The following CORO7 variants were observed in gnomAD, a reference collection of about 807,000 sequenced individuals.
CORO7 encodes coronin 7.
A neutral mutation model predicts 126.6 loss-of-function variants in CORO7; 107 were observed. That is an observed-to-expected ratio of 0.85 (90% CI 0.72 to 0.99). The LOEUF (loss-of-function observed/expected upper bound fraction) is 0.99. CORO7 is among the 50% of genes least tolerant of loss of function. The probability of loss-of-function intolerance (pLI) is 0.00; values close to 1 mark genes in which losing one functional copy is unlikely to be tolerated. For synonymous variants in CORO7, 603 were observed against 536.8 expected (o/e 1.12, Z -1.70); for missense variants, 1,314 against 1,255.8 (o/e 1.05, Z -0.70).
Position 4,355,250 on chromosome 16 carries a change from G to A in CORO7, c.2772+36C>T, listed in dbSNP as rs538616454. On this transcript the variant is annotated intron_variant, in intron 27 of 27. Coordinates refer to ENST00000251166, the MANE Select transcript of CORO7 (RefSeq NM_024535.5). Reference sequence around the variant, plus strand: ...CACCGTGGCATGTGCGAGGGACCGCGCTGCCTGCCGGGAAGTGAGGCCACT... The same window carrying A: ...CACCGTGGCATGTGCGAGGGACCGCACTGCCTGCCGGGAAGTGAGGCCACT... The A allele has an allele frequency of 5.2e-5, 84 of 1,611,026 alleles. 1 individual carries two copies. The South Asian group carries it at 8.5e-4, about 16-fold the overall frequency.
chr16:4,391,042 C>A (rs2055368858), intron 7 of CORO7, among the ~76,000 whole-genome samples: 2 of 152,226 alleles, frequency 1.3e-5, no homozygotes, highest in Non-Finnish European at 1.5e-5. Context: ...TGCCCAGAGA[C>A]CACAGGAAGC....
chr16:4,364,982 G>A (rs779378845), intron 11 of CORO7, 21 bp downstream of exon 11: 7 of 1,605,480 alleles, frequency 4.4e-6, no homozygotes, highest in Non-Finnish European at 5.9e-6. Flanking sequence ...TAGGGGATGG[G>A]GGCGAGGAAG....
intron 9 of CORO7, among the ~76,000 whole-genome samples, chr16:4,369,512 A>T (rs915832683): frequency 2.0e-5 from 3 of 152,196 alleles, no homozygotes; most frequent in Non-Finnish European, 4.4e-5. Context: ...TAAAGCCCAG[A>T]TCTGCCCCCG....
chr16:4,400,271 G>A (rs1350860141), intron 6 of CORO7, among the ~76,000 whole-genome samples: 1 of 152,180 alleles, frequency 6.6e-6, no homozygotes, highest in Non-Finnish European at 1.5e-5. Context: ...GGCTGAGGTG[G>A]GTGGATCACT....
Position 4,413,342 on chromosome 16 carries a change from G to A in CORO7, c.123C>T (p.Ser41=). The A allele has an allele frequency of 6.3e-7, 1 of 1,586,422 alleles. No homozygotes were observed. Among genetic ancestry groups the A allele is most frequent in the Non-Finnish European group, 8.6e-7 (1 of 1,165,342 alleles). ...APSCRNHIKS[S]CSLIAFNSDR... is the part of the protein sequence containing the mutation. ...CGGAGTTGAAGGCGATCAAGCTGCAGCTTGATTTGATGTGGTTCCTGCATG... is the reference window on the plus strand; with the variant it reads ...CGGAGTTGAAGGCGATCAAGCTGCAACTTGATTTGATGTGGTTCCTGCATG... Residue 41 remains serine (S), a synonymous_variant, in exon 2 of 28, where the codon AGC becomes AGT. Transcript: ENST00000251166.
intron 3 of CORO7, among the ~76,000 whole-genome samples, chr16:4,411,343 T>G (rs960195733): frequency 6.6e-6 from 1 of 152,060 alleles, no homozygotes; most frequent in African/African-American, 2.4e-5. Context: ...CAGTGAGCCA[T>G]GATTATGCCA....
intron 9 of CORO7, chr16:4,380,720 G>A (rs1408280879): frequency 6.0e-6 from 5 of 828,628 alleles, no homozygotes; most frequent in Non-Finnish European, 9.1e-6. Context: ...CAGAACCTGG[G>A]TCGGGGCACT....
chr16:4,393,584 T>A (rs2055473939), intron 7 of CORO7, among the ~76,000 whole-genome samples: 1 of 152,140 alleles, frequency 6.6e-6, no homozygotes. Flanking sequence ...GAGTCTTGTG[T>A]GTGTAGGGGG....
intron 1 of CORO7, among the ~76,000 whole-genome samples, chr16:4,414,965 G>T (rs1454099589): frequency 6.6e-6 from 1 of 152,082 alleles, no homozygotes; most frequent in Admixed American, 6.6e-5. Context: ...CGGCTCAAGA[G>T]ATCCTCCAAC....
intron 9 of CORO7, among the ~76,000 whole-genome samples, chr16:4,367,250 A>AGAGGTG (rs1658462404): frequency 6.6e-6 from 1 of 152,184 alleles, no homozygotes; most frequent in South Asian, 2.1e-4. Context: ...CACTGCTTGT[A>AGAGGTG]GAGGTGGAGG....
chr16:4,361,261 G>C lies in CORO7; in HGVS notation c.1688-13C>G. On this transcript the variant is annotated splice_polypyrimidine_tract_variant and intron_variant, in intron 17 of 27. Coordinates refer to ENST00000251166, the MANE Select transcript of CORO7 (RefSeq NM_024535.5). The stretch of plus-strand genomic sequence containing the variant: ...GCGTCCTCACCAGCTGCAGAGGACA[G>C]ACAGGGGCTCATCATTGCTGAGCCC... 5 of 1,612,470 alleles carry C rather than the reference G, an allele frequency of 3.1e-6. No individual in the cohort carries two copies. Among genetic ancestry groups the C allele is most frequent in the South Asian group, 1.1e-5 (1 of 91,064 alleles).
intron 6 of CORO7, among the ~76,000 whole-genome samples, chr16:4,397,043 G>A (rs1014582617): frequency 6.0e-4 from 88 of 145,932 alleles, no homozygotes; most frequent in African/African-American, 1.7e-3. Context: ...AAGAAAGAAA[G>A]AAAAACAACA....
chr16:4,355,414 C>G (rs2053944759), intron 26 of CORO7, 42 bp from the exon 27 acceptor site: 2 of 1,563,118 alleles, frequency 1.3e-6, no homozygotes, highest in Non-Finnish European at 1.7e-6. Context: ...GGGAATAGGA[C>G]TCCCTGTTCC....
At chr16:4,402,140 T>G (rs150213384) in intron 6 of CORO7, among the ~76,000 whole-genome samples, 1 of 152,116 alleles carries the variant, frequency 6.6e-6, no homozygotes, top group Non-Finnish European at 1.5e-5. Context: ...GGTTTCACTA[T>G]GTTGGCCAGG....
At chr16:4,380,425 G>A (rs534475253) in intron 9 of CORO7, among the ~76,000 whole-genome samples, 5 of 152,352 alleles carry the variant, frequency 3.3e-5, no homozygotes, top group South Asian at 2.1e-4. Context: ...AGGAGCCGGC[G>A]GCCAAGGCAG....
chr16:4,415,852 G>A (rs2056388847), intron 1 of CORO7: 5 of 985,556 alleles, frequency 5.1e-6, no homozygotes, highest in Non-Finnish European at 6.0e-6. Context: ...ACCTGCTCAG[G>A]CTTCCCCAGG....
intron 9 of CORO7, among the ~76,000 whole-genome samples, chr16:4,375,704 G>T (rs560511476): frequency 5.9e-5 from 9 of 152,328 alleles, no homozygotes; most frequent in African/African-American, 1.9e-4. Context: ...TAGCCAGGAT[G>T]GTCTCGATCT....
In CORO7 at chr16:4,358,038, G is replaced by A. The variant is rs745478194; in HGVS notation, c.2523C>T (p.Ala841=). Residue 841 remains alanine, a synonymous_variant, in exon 25 of 28, where the codon GCC becomes GCT. Transcript: ENST00000251166. ...CATTAGCGCCTTGCAGCCAGGCCTCGGCACTGAGCACAGGCTCCCAGATCA... is the reference window on the plus strand; with the variant it reads ...CATTAGCGCCTTGCAGCCAGGCCTCAGCACTGAGCACAGGCTCCCAGATCA... ...TAVIWEPVLS[A]EAWLQGANGQ... is the part of the protein sequence containing the mutation. The A allele has an allele frequency of 1.1e-4, 175 of 1,613,416 alleles. 1 individual carries two copies. In the Admixed American group the frequency reaches 2.5e-3, roughly 23 times the overall value.
intron 9 of CORO7, among the ~76,000 whole-genome samples, chr16:4,377,998 C>G (rs2054809391): frequency 6.6e-6 from 1 of 152,200 alleles, no homozygotes; most frequent in Non-Finnish European, 1.5e-5. Flanking sequence ...ACAGCATCCC[C>G]TCTCCCTTCA....
Sources: allele counts gnomAD v4.1 joint callset (sites outside exome capture counted in the v4.1 genomes callset), GRCh38; gene constraint gnomAD v4.1.1; transcripts MANE v1.5; gene names NCBI Gene and HGNC (gene_info 2026-07-23, HGNC 2026-07-21).